CNTNAP2: variants seen among roughly 807,000 people sequenced by gnomAD.
CNTNAP2 encodes contactin associated protein 2.
CNTNAP2 carries 98 observed loss-of-function variants against 155.2 expected under a neutral mutation model. The observed-to-expected ratio is 0.63, with a 90% CI of 0.54 to 0.75. The LOEUF is 0.75. Among genes scored for constraint, CNTNAP2 ranks in the 30% least tolerant of loss-of-function variants. CNTNAP2 has a pLI of 0.00. For synonymous variants in CNTNAP2, 651 were observed against 631.2 expected (o/e 1.03, Z -0.47); for missense variants, 1,727 against 1,688.1 (o/e 1.02, Z -0.40).
intron 2 of CNTNAP2, among the ~76,000 whole-genome samples, chr7:146,795,137 A>G (rs902840544): frequency 1.3e-5 from 2 of 152,260 alleles, no homozygotes; most frequent in East Asian, 1.9e-4. Flanking sequence ...AACATAGATA[A>G]TGCAACATAA....
At chr7:148,390,621 G>GA (rs1172433200) in intron 22 of CNTNAP2, among the ~76,000 whole-genome samples, 8 of 152,296 alleles carry the variant, frequency 5.3e-5, no homozygotes, top group South Asian at 2.1e-4. Context: ...TGTTAGAATG[G>GA]AAATTAGAAT....
chr7:146,382,770 C>A (rs1365969055), intron 1 of CNTNAP2, among the ~76,000 whole-genome samples: 1 of 152,066 alleles, frequency 6.6e-6, no homozygotes, highest in African/African-American at 2.4e-5. Flanking sequence ...GTGCTGTGAA[C>A]TGTACTTAGA....
chr7:148,253,529 T>G (rs1172977051), intron 20 of CNTNAP2, among the ~76,000 whole-genome samples: 1 of 152,208 alleles, frequency 6.6e-6, no homozygotes, highest in Non-Finnish European at 1.5e-5. Context: ...CTGCACGTCA[T>G]CAGCTGGACT....
chr7:147,904,333 G>GC (rs1470266890), intron 14 of CNTNAP2, among the ~76,000 whole-genome samples: 3 of 152,098 alleles, frequency 2.0e-5, no homozygotes, highest in Non-Finnish European at 2.9e-5. Flanking sequence ...CTTTTGTTCT[G>GC]CCCCGCAGTG....
chr7:148,088,251 A>C (rs1360376976), intron 15 of CNTNAP2, among the ~76,000 whole-genome samples: 1 of 152,080 alleles, frequency 6.6e-6, no homozygotes, highest in Non-Finnish European at 1.5e-5. Flanking sequence ...TGAATCAGCT[A>C]CTTCAAACCC....
At chr7:147,090,125 G>A (rs1800369966) in intron 4 of CNTNAP2, among the ~76,000 whole-genome samples, 1 of 152,106 alleles carries the variant, frequency 6.6e-6, no homozygotes, top group Admixed American at 6.6e-5. Context: ...CGCCCAATTT[G>A]TCCTAAATCC....
At chr7:147,615,087 T>G (rs1352375552) in intron 12 of CNTNAP2, among the ~76,000 whole-genome samples, 2 of 113,432 alleles carry the variant, frequency 1.8e-5, no homozygotes, top group African/African-American at 7.1e-5. Context: ...ACACCCATCT[T>G]TATCAAAAAA....
At chr7:147,273,868 T>G (rs1348231573) in intron 8 of CNTNAP2, among the ~76,000 whole-genome samples, 1 of 147,792 alleles carries the variant, frequency 6.8e-6, no homozygotes, top group Non-Finnish European at 1.5e-5. Context: ...ATATATGTAA[T>G]ATATGTATAT....
At chr7:146,380,299 T>C (rs916866455) in intron 1 of CNTNAP2, among the ~76,000 whole-genome samples, 5 of 152,192 alleles carry the variant, frequency 3.3e-5, no homozygotes, top group African/African-American at 1.2e-4. Flanking sequence ...ATTTGAGTAT[T>C]TTGAAATATT....
chr7:146,246,463 G>A (rs10237107), intron 1 of CNTNAP2, among the ~76,000 whole-genome samples: 45,124 of 147,014 alleles, frequency 0.31, 7,386 homozygotes, highest in Middle Eastern at 0.39. Context: ...AAGCCTGGCC[G>A]TCAATACCCA....
intron 1 of CNTNAP2, among the ~76,000 whole-genome samples, chr7:146,222,190 T>C (rs1799217554): frequency 6.6e-6 from 1 of 152,220 alleles, no homozygotes; most frequent in African/African-American, 2.4e-5. Flanking sequence ...GCTGCTACTA[T>C]GTGCAGACAC....
chr7:147,706,340 C>G (rs1234711044), intron 13 of CNTNAP2, among the ~76,000 whole-genome samples: 2 of 151,962 alleles, frequency 1.3e-5, no homozygotes, highest in Admixed American at 1.3e-4. Context: ...GAATTCCTTC[C>G]ACTTTCACTT....
chr7:147,133,274 TA>T (rs1801412566), intron 8 of CNTNAP2, among the ~76,000 whole-genome samples: 1 of 152,124 alleles, frequency 6.6e-6, no homozygotes, highest in Admixed American at 6.6e-5. Flanking sequence ...TGTTTTCATC[TA>T]TTTTTCTTGA....
rs1216874089 is a variant in CNTNAP2 at position 147,313,094 on chromosome 7, C to G, written c.1498+12804C>G. On this transcript the variant is annotated intron_variant, in intron 9 of 23. Transcript: ENST00000361727. ...AGTGTCTGTTCATGTCCTTCGCCCA[C>G]TTTTTGATGGGGTTGTTTGTTTTTT... Among the ~76,000 whole-genome samples, 11 of 131,842 alleles carry G rather than the reference C, an allele frequency of 8.3e-5. No individual in the cohort carries two copies. In the East Asian group the frequency reaches 1.6e-3, roughly 19 times the overall value. 86.5% of individuals were successfully genotyped at this position (131,842 alleles called of 152,430 possible).
chr7:147,071,699 G>A (rs1016721752), intron 4 of CNTNAP2, among the ~76,000 whole-genome samples: 4 of 152,162 alleles, frequency 2.6e-5, no homozygotes, highest in South Asian at 4.1e-4. Flanking sequence ...AAGAAGATAC[G>A]GGTAGTTAAG....
intron 1 of CNTNAP2, among the ~76,000 whole-genome samples, chr7:146,461,780 T>C (rs1796641097): frequency 6.6e-6 from 1 of 152,168 alleles, no homozygotes; most frequent in Non-Finnish European, 1.5e-5. Flanking sequence ...ATACCCACAC[T>C]AGACAGCATT....
intron 1 of CNTNAP2, among the ~76,000 whole-genome samples, chr7:146,317,392 G>T (rs1011585280): frequency 1.3e-5 from 2 of 152,168 alleles, no homozygotes; most frequent in Non-Finnish European, 2.9e-5. Flanking sequence ...AGTGGAAAGA[G>T]AAATAAATCC....
At chr7:147,402,157 G>A (rs1349347831) in intron 10 of CNTNAP2, among the ~76,000 whole-genome samples, 1 of 152,178 alleles carries the variant, frequency 6.6e-6, no homozygotes, top group Non-Finnish European at 1.5e-5. Context: ...GTCAACATGG[G>A]AGTTGATCTC....
At chr7:146,305,979 A>G (rs1265992883) in intron 1 of CNTNAP2, among the ~76,000 whole-genome samples, 1 of 152,138 alleles carries the variant, frequency 6.6e-6, no homozygotes, top group Non-Finnish European at 1.5e-5. Context: ...GAAAAAATAA[A>G]CAAAATTGAT....
Sources: allele counts gnomAD v4.1 joint callset (sites outside exome capture counted in the v4.1 genomes callset), GRCh38; gene constraint gnomAD v4.1.1; transcripts MANE v1.5; gene names NCBI Gene and HGNC (gene_info 2026-07-23, HGNC 2026-07-21).